ADK: variants seen among roughly 807,000 people sequenced by gnomAD.
The protein encoded by ADK is adenosine kinase.
Under a neutral mutation model 44.7 loss-of-function variants are expected in ADK, and 24 were observed. The observed-to-expected ratio is 0.54, with a 90% CI of 0.39 to 0.76. The LOEUF is 0.76. Among genes scored for constraint, ADK ranks in the 30% least tolerant of loss-of-function variants. The pLI is 0.00. For missense variants in ADK, 321 were observed against 425.1 expected (o/e 0.76, Z 2.15); for synonymous variants, 128 against 142.6 (o/e 0.90, Z 0.73).
At chr10:74,366,608 C>CA (rs954744864) in intron 4 of ADK, among the ~76,000 whole-genome samples, 26 of 150,506 alleles carry the variant, frequency 1.7e-4, no homozygotes, top group Admixed American at 8.6e-4. Flanking sequence ...CATAGAGAAC[C>CA]AAAAAAAAAT....
chr10:74,432,862 T>C lies in ADK; in HGVS notation c.555+34283T>C, dbSNP rs569008450. Among the ~76,000 whole-genome samples the C allele has an allele frequency of 3.9e-5, 6 of 152,322 alleles. No homozygotes were observed. In the South Asian group the frequency reaches 8.3e-4, roughly 21 times the overall value. On this transcript the variant is annotated intron_variant, in intron 6 of 10. Transcript: ENST00000539909. ...GGTGGGAAAAATCTAATTCAGTAGA[T>C]TGAATTTTTAGAAAAGAGTAGATAA... is the stretch of plus-strand genomic sequence containing the variant.
chr10:74,407,964 C>CT (rs938441541), intron 6 of ADK, among the ~76,000 whole-genome samples: 7 of 149,838 alleles, frequency 4.7e-5, no homozygotes, highest in Non-Finnish European at 7.4e-5. Context: ...AGGTAACTCG[C>CT]TTTTTTTTTC....
At chr10:74,544,481 A>G (rs1446432710) in intron 7 of ADK, among the ~76,000 whole-genome samples, 1 of 152,240 alleles carries the variant, frequency 6.6e-6, no homozygotes, top group African/African-American at 2.4e-5. Context: ...ATAGATTACT[A>G]TTTATAGAAA....
intron 6 of ADK, among the ~76,000 whole-genome samples, chr10:74,424,214 G>T (rs1844693932): frequency 6.6e-6 from 1 of 152,072 alleles, no homozygotes; most frequent in African/African-American, 2.4e-5. Flanking sequence ...TAAACGCAGA[G>T]ACCATATATG....
At chr10:74,195,549 TTAC>T (rs1456838663) in intron 1 of ADK, among the ~76,000 whole-genome samples, 2 of 152,062 alleles carry the variant, frequency 1.3e-5, no homozygotes, top group Non-Finnish European at 2.9e-5. Context: ...AATGGTGCAA[TTAC>T]AGCTTACTGC....
chr10:74,329,808 TTATG>T (rs1205739087), intron 4 of ADK, among the ~76,000 whole-genome samples: 1 of 152,128 alleles, frequency 6.6e-6, no homozygotes, highest in Admixed American at 6.6e-5. Flanking sequence ...GGCATATGAT[TTATG>T]TATGTATGAA....
intron 3 of ADK, among the ~76,000 whole-genome samples, chr10:74,313,114 T>C (rs1413506308): frequency 6.6e-6 from 1 of 152,074 alleles, no homozygotes; most frequent in Non-Finnish European, 1.5e-5. Context: ...GATTTTTTAT[T>C]GATTGACTTT....
chr10:74,448,706 T>G (rs1845670218), intron 6 of ADK, among the ~76,000 whole-genome samples: 1 of 152,152 alleles, frequency 6.6e-6, no homozygotes, highest in Non-Finnish European at 1.5e-5. Flanking sequence ...CTTCTTTAAT[T>G]GAAAGCTGAC....
intron 3 of ADK, among the ~76,000 whole-genome samples, chr10:74,245,498 A>G (rs922968016): frequency 6.6e-6 from 1 of 151,836 alleles, no homozygotes; most frequent in Non-Finnish European, 1.5e-5. Flanking sequence ...AGATGACCCT[A>G]TATATTTTTT....
intron 6 of ADK, among the ~76,000 whole-genome samples, chr10:74,516,260 G>A (rs182154832): frequency 2.4e-4 from 37 of 152,150 alleles, no homozygotes; most frequent in Admixed American, 5.2e-4. Flanking sequence ...ATTCCCTCCC[G>A]TCTCCAGGCA....
intron 1 of ADK, among the ~76,000 whole-genome samples, chr10:74,166,271 A>G (rs1435331948): frequency 1.3e-5 from 2 of 152,166 alleles, no homozygotes; most frequent in Non-Finnish European, 2.9e-5. Flanking sequence ...AAAACTTTAG[A>G]CAAACCAATT....
chr10:74,261,023 C>T (rs1008180558), intron 3 of ADK, among the ~76,000 whole-genome samples: 3 of 152,014 alleles, frequency 2.0e-5, no homozygotes, highest in Non-Finnish European at 4.4e-5. Context: ...TTTATTGGGG[C>T]CTGGGATACA....
chr10:74,511,765 C>T (rs1440141600), intron 6 of ADK, among the ~76,000 whole-genome samples: 1 of 152,020 alleles, frequency 6.6e-6, no homozygotes, highest in Non-Finnish European at 1.5e-5. Context: ...ATTTAACTTC[C>T]TTCTTCTCAA....
At chr10:74,489,965 A>AT (rs1257281412) in intron 6 of ADK, among the ~76,000 whole-genome samples, 1 of 151,924 alleles carries the variant, frequency 6.6e-6, no homozygotes. Context: ...AGTTTCTATG[A>AT]TTTTTTAAAA....
intron 6 of ADK, among the ~76,000 whole-genome samples, chr10:74,478,962 G>C (rs137898878): frequency 2.3e-4 from 35 of 152,042 alleles, no homozygotes; most frequent in African/African-American, 8.0e-4. Context: ...ATATTTTTCT[G>C]TGCTATTTCT....
chr10:74,448,255 T>C (rs1324349006), intron 6 of ADK, among the ~76,000 whole-genome samples: 1 of 151,880 alleles, frequency 6.6e-6, no homozygotes, highest in Non-Finnish European at 1.5e-5. Context: ...GGAGTTCAAG[T>C]CCAGCCGGGG....
intron 3 of ADK, among the ~76,000 whole-genome samples, chr10:74,314,085 C>T (rs928120062): frequency 1.3e-5 from 2 of 151,850 alleles, no homozygotes; most frequent in African/African-American, 4.8e-5. Context: ...TACTGTTATA[C>T]TTTTGTTTAT....
intron 4 of ADK, among the ~76,000 whole-genome samples, chr10:74,315,754 T>C (rs1278981588): frequency 6.6e-6 from 1 of 152,220 alleles, no homozygotes; most frequent in African/African-American, 2.4e-5. Context: ...GATTGAGACA[T>C]ATAGTATGAT....
intron 6 of ADK, among the ~76,000 whole-genome samples, chr10:74,399,826 A>G (rs1226617622): frequency 6.6e-6 from 1 of 152,106 alleles, no homozygotes; most frequent in Non-Finnish European, 1.5e-5. Context: ...ATGAAATAAG[A>G]CAGTGTATTC....
Sources: allele counts gnomAD v4.1 joint callset (sites outside exome capture counted in the v4.1 genomes callset), GRCh38; gene constraint gnomAD v4.1.1; transcripts MANE v1.5; gene names NCBI Gene and HGNC (gene_info 2026-07-23, HGNC 2026-07-21).